The following ZNF695 variants were observed in gnomAD, a reference collection of about 807,000 sequenced individuals.
ZNF695 encodes zinc finger protein 695, also known as zinc finger protein SBZF3.
ZNF695 carries 11 observed loss-of-function variants against 11.2 expected under a neutral mutation model. The ratio of observed to expected loss-of-function variants is 0.98; its 90% CI spans 0.62 to 1.62. The LOEUF (loss-of-function observed/expected upper bound fraction) is 1.62, where lower values mean the gene tolerates loss of function less well. Ranked by LOEUF, ZNF695 falls within the 40% of genes most tolerant of loss-of-function variation. ZNF695 has a pLI of 0.00. For missense variants in ZNF695, 559 were observed against 590.5 expected (o/e 0.95, Z 0.55); for synonymous variants, 190 against 201.4 (o/e 0.94, Z 0.48).
At chr1:246,967,134 C>G (rs934142590) in intron 5 of ZNF695, among the ~76,000 whole-genome samples, 1 of 152,100 alleles carries the variant, frequency 6.6e-6, no homozygotes, top group African/African-American at 2.4e-5. Flanking sequence ...GACGGGGTTT[C>G]TCCATGTTGG....
At chr1:246,997,466 G>T (rs1373006902) in intron 3 of ZNF695, among the ~76,000 whole-genome samples, 1 of 151,286 alleles carries the variant, frequency 6.6e-6, no homozygotes, top group Admixed American at 6.6e-5. Context: ...TCACGCCACT[G>T]CACTCCAGCC....
At chr1:246,998,977 A>AATATATAT (rs6143721) in intron 3 of ZNF695, among the ~76,000 whole-genome samples, 247 of 144,226 alleles carry the variant, frequency 1.7e-3, no homozygotes, top group South Asian at 4.3e-3. Flanking sequence ...CAAGAAAACA[A>AATATATAT]ATATATATAT....
chr1:246,988,454 GA>G lies in ZNF695; in HGVS notation c.260-200del, dbSNP rs369644078. 4.3e-3 allele frequency among the ~76,000 whole-genome samples: 650 copies of G among 151,948 alleles called. 3 individuals are homozygous for G. The highest frequency in any genetic ancestry group is 6.3e-3 in the African/African-American group (261 of 41,474). On this transcript the variant is annotated intron_variant, in intron 3 of 3. Coordinates refer to ENST00000339986, the MANE Select transcript of ZNF695 (RefSeq NM_020394.5). ...AGAATCCTAAAAGCAGCCAAAGGGG[GA>G]AAAAAAGAAATGACGTACAATGAAG...
At chr1:246,980,178 TAAAAAAAAA>T (rs71566679) in intron 4 of ZNF695, among the ~76,000 whole-genome samples, 5 of 88,758 alleles carry the variant, frequency 5.6e-5, no homozygotes, top group Non-Finnish European at 1.1e-4. Flanking sequence ...ACTCTGTATT[TAAAAAAAAA>T]AAAAAAAAAA....
chr1:246,992,673 C>T (rs543107276), intron 3 of ZNF695, among the ~76,000 whole-genome samples: 2 of 152,178 alleles, frequency 1.3e-5, no homozygotes, highest in Non-Finnish European at 2.9e-5. Flanking sequence ...AATATATACA[C>T]TATGCACCCA....
At chr1:247,007,777 G>A in intron 1 of ZNF695, 129 bp downstream of exon 1, 1 of 1,088,332 alleles carries the variant, frequency 9.2e-7, no homozygotes, top group Non-Finnish European at 1.2e-6. Flanking sequence ...CTGCGCCAGC[G>A]GGACTCGGCC....
intron 1 of ZNF695, among the ~76,000 whole-genome samples, chr1:247,004,148 T>A (rs558012150): frequency 1.4e-4 from 21 of 152,042 alleles, no homozygotes; most frequent in African/African-American, 5.1e-4. Context: ...AGGGCGGAGG[T>A]TGCAGTGAGC....
At chr1:246,989,056 T>C (rs780981313) in intron 3 of ZNF695, among the ~76,000 whole-genome samples, 5 of 146,610 alleles carry the variant, frequency 3.4e-5, no homozygotes, top group Admixed American at 6.8e-5. Flanking sequence ...ATCGCGCCAC[T>C]GCACTCCAGC....
intron 3 of ZNF695, among the ~76,000 whole-genome samples, chr1:246,990,172 G>C (rs1385280605): frequency 1.4e-5 from 2 of 138,474 alleles, no homozygotes; most frequent in African/African-American, 5.4e-5. Context: ...GAAAAGGAAG[G>C]AAAGAAAGGA....
chr1:246,987,440 T>C lies in ZNF695; in HGVS notation c.1075A>G (p.Lys359Glu), dbSNP rs766484616. 4 of 1,611,856 alleles carry C rather than the reference T, an allele frequency of 2.5e-6. No individual in the cohort carries two copies. Among genetic ancestry groups the C allele is most frequent in the Non-Finnish European group, 3.4e-6 (4 of 1,178,776 alleles). Residue 359 changes from lysine (K) to glutamate (E), a missense_variant, in exon 4 of 4, where the codon AAA becomes GAA. Lys to Glu is a moderately conservative substitution (Grantham distance 56, BLOSUM62 1). Transcript: ENST00000339986. ...AGATGTGAGCTCTGGTTAAAGGCTTTTCCACATTCTTCACATCGGAAGGTT... is the reference window on the plus strand; with the variant it reads ...AGATGTGAGCTCTGGTTAAAGGCTTCTCCACATTCTTCACATCGGAAGGTT... ...EKTFRCEECG[K>E]AFNQSSHLTE...
rs201180849 is a variant in ZNF695 at position 246,999,432 on chromosome 1, T to C, written c.175A>G (p.Met59Val). ...CAGATGATCAGTTCTGGCTTAGACA[T>C]AGCAAGACCTGTTTTATTAGAAAAA... ...NMQFLFHSLA[M>V]SKPELIICLE... Residue 59 changes from methionine to valine, a missense_variant, in exon 3 of 4, where the codon ATG becomes GTG. Coordinates refer to ENST00000339986, the MANE Select transcript of ZNF695 (RefSeq NM_020394.5). 6.9e-5 allele frequency: 111 copies of C among 1,613,480 alleles called. 2 individuals are homozygous for C. In the African/African-American group the frequency reaches 1.1e-3, roughly 16 times the overall value.
At chr1:246,972,440 A>G (rs1253416623) in intron 4 of ZNF695, among the ~76,000 whole-genome samples, 1 of 152,138 alleles carries the variant, frequency 6.6e-6, no homozygotes, top group Non-Finnish European at 1.5e-5. Context: ...TCACCTTACA[A>G]TGGATTATGC....
intron 4 of ZNF695, among the ~76,000 whole-genome samples, chr1:246,973,578 T>C (rs765214692): frequency 3.3e-5 from 5 of 152,198 alleles, no homozygotes; most frequent in Non-Finnish European, 7.3e-5. Flanking sequence ...AAAAAATGAT[T>C]ACCACAGACT....
At position 246,999,764 on chromosome 1, in the gene ZNF695, T is replaced by A. The variant is rs1006008462; in HGVS notation, c.166+148A>T. The A allele has an allele frequency of 5.5e-6, 4 of 732,920 alleles. No homozygotes were observed. The African/African-American group carries it at 7.1e-5, about 13-fold the overall frequency. 45.4% of individuals were successfully genotyped at this position (732,920 alleles called of 1,614,324 possible). On this transcript the variant is annotated intron_variant, in intron 2 of 3. Coordinates refer to ENST00000339986, the MANE Select transcript of ZNF695 (RefSeq NM_020394.5). ...GATATACATCAGCTGAATAGAAAGG[T>A]TGATGTCAAGGCAAAACATCTTGAA...
At chr1:246,956,482 G>A (rs1009740540) in intron 5 of ZNF695, among the ~76,000 whole-genome samples, 1 of 151,656 alleles carries the variant, frequency 6.6e-6, no homozygotes, top group African/African-American at 2.4e-5. Context: ...CGGGCCTGGT[G>A]GCAGTCACCT....
intron 4 of ZNF695, among the ~76,000 whole-genome samples, chr1:246,970,499 C>T (rs1182840282): frequency 6.6e-6 from 1 of 152,132 alleles, no homozygotes; most frequent in Non-Finnish European, 1.5e-5. Context: ...GAGGAAGAAG[C>T]TATGTAAAGA....
At chr1:247,006,330 A>G (rs1669536464) in intron 1 of ZNF695, among the ~76,000 whole-genome samples, 1 of 146,584 alleles carries the variant, frequency 6.8e-6, no homozygotes, top group Admixed American at 6.9e-5. Context: ...AAGGACAAAT[A>G]AGCCGGGCGC....
chr1:246,965,555 G>A (rs143556386), intron 5 of ZNF695, among the ~76,000 whole-genome samples: 12,701 of 151,714 alleles, frequency 0.084, 960 homozygotes, highest in African/African-American at 0.2. Context: ...TGGCCAACAC[G>A]GCAAAACCCT....
At chr1:246,952,988 A>T (rs969346825) in intron 5 of ZNF695, among the ~76,000 whole-genome samples, 23 of 152,064 alleles carry the variant, frequency 1.5e-4, no homozygotes, top group African/African-American at 5.6e-4. Context: ...CTAGGAAAGG[A>T]TGTGACCCTA....
Sources: allele counts gnomAD v4.1 joint callset (sites outside exome capture counted in the v4.1 genomes callset), GRCh38; gene constraint gnomAD v4.1.1; transcripts MANE v1.5; gene names NCBI Gene and HGNC (gene_info 2026-07-23, HGNC 2026-07-21).